The following WDTC1 variants were observed in gnomAD, a reference collection of about 807,000 sequenced individuals.
WDTC1 encodes WD and tetratricopeptide repeats protein 1.
In WDTC1, 12 loss-of-function variants were observed where a neutral mutation model predicts 76.0. That is an observed-to-expected ratio of 0.16 (90% CI 0.10 to 0.26). WDTC1 has a LOEUF of 0.26. Ranked by LOEUF, WDTC1 falls within the 10% of genes least tolerant of loss-of-function variation. The pLI is 1.00. For missense variants in WDTC1, 511 were observed against 908.8 expected, an observed-to-expected ratio of 0.56 and a Z score of 5.63; for synonymous variants, 326 against 350.8, an observed-to-expected ratio of 0.93 and a Z score of 0.79.
chr1:27,258,079 C>G (rs956092179), intron 1 of WDTC1, among the ~76,000 whole-genome samples: 4 of 151,488 alleles, frequency 2.6e-5, no homozygotes, highest in Admixed American at 2.6e-4. Flanking sequence ...TGAGCCACTG[C>G]GCCTGGCGGT....
intron 2 of WDTC1, among the ~76,000 whole-genome samples, chr1:27,262,140 A>G (rs2012497016): frequency 6.6e-6 from 1 of 151,994 alleles, no homozygotes; most frequent in African/African-American, 2.4e-5. Flanking sequence ...CGTGTTACTC[A>G]GGAGATCTTG....
Position 27,273,788 on chromosome 1 carries a change from TG to T in WDTC1, c.133-8449del, listed in dbSNP as rs890935061. Among the ~76,000 whole-genome samples, 36 of 151,962 alleles carry T rather than the reference TG, an allele frequency of 2.4e-4. No individual in the cohort carries two copies. In the East Asian group the frequency reaches 4.3e-3, roughly 18 times the overall value. ...TGAAGTCTACAACTGATTTCTCAAA[TG>T]GTTCAGAAAAAAAGTACTAAGTACT... On this transcript the variant is annotated intron_variant, in intron 3 of 15. Transcript: ENST00000319394.
At chr1:27,286,564 G>A (rs892847867) in intron 5 of WDTC1, among the ~76,000 whole-genome samples, 1 of 149,724 alleles carries the variant, frequency 6.7e-6, no homozygotes, top group South Asian at 2.1e-4. Context: ...CTGCCTCCTG[G>A]GTTCACACCA....
At chr1:27,241,732 T>C (rs1407648491) in intron 1 of WDTC1, among the ~76,000 whole-genome samples, 1 of 152,122 alleles carries the variant, frequency 6.6e-6, no homozygotes, top group African/African-American at 2.4e-5. Flanking sequence ...CAAAATATGC[T>C]CCCTTTTCTC....
intron 5 of WDTC1, among the ~76,000 whole-genome samples, chr1:27,284,605 G>C (rs1336674757): frequency 6.6e-6 from 1 of 152,128 alleles, no homozygotes; most frequent in African/African-American, 2.4e-5. Flanking sequence ...ATTTTAGTCT[G>C]CACAGTCAGG....
intron 1 of WDTC1, among the ~76,000 whole-genome samples, chr1:27,258,703 A>G (rs1465199271): frequency 6.6e-6 from 1 of 152,204 alleles, no homozygotes; most frequent in African/African-American, 2.4e-5. Flanking sequence ...GCCTAGCACT[A>G]AAGGAAAACA....
intron 5 of WDTC1, among the ~76,000 whole-genome samples, chr1:27,286,006 T>G (rs1009301899): frequency 2.1e-5 from 3 of 141,818 alleles, no homozygotes; most frequent in African/African-American, 5.2e-5. Flanking sequence ...GTTTTTTTTT[T>G]TTTTTTTTTT....
chr1:27,253,735 C>A (rs937096964), intron 1 of WDTC1, among the ~76,000 whole-genome samples: 24 of 152,188 alleles, frequency 1.6e-4, no homozygotes, highest in African/African-American at 5.8e-4. Flanking sequence ...CTAATTTCAG[C>A]CTTTTTGCCT....
intron 1 of WDTC1, among the ~76,000 whole-genome samples, chr1:27,245,625 A>G (rs2011802955): frequency 6.6e-6 from 1 of 150,400 alleles, no homozygotes; most frequent in Non-Finnish European, 1.5e-5. Context: ...GGTGGAGTGC[A>G]ATGGCGCAAT....
At chr1:27,284,362 G>A (rs1420446315) in intron 5 of WDTC1, among the ~76,000 whole-genome samples, 5 of 152,264 alleles carry the variant, frequency 3.3e-5, no homozygotes, top group African/African-American at 1.2e-4. Flanking sequence ...ATAGATGTGA[G>A]AATGAAGTTG....
At chr1:27,304,175 A>AT (rs1252035230) in intron 14 of WDTC1, 5 of 233,714 alleles carry the variant, frequency 2.1e-5, no homozygotes, top group South Asian at 4.9e-5. Flanking sequence ...AAGGCTGGGA[A>AT]TCTTGGCACA....
intron 3 of WDTC1, among the ~76,000 whole-genome samples, chr1:27,264,892 T>A (rs2012611469): frequency 1.3e-5 from 2 of 152,090 alleles, no homozygotes. Context: ...AGCCTCAACT[T>A]CCTGGACTCA....
chr1:27,291,225 G>A (rs1456342916), intron 6 of WDTC1, among the ~76,000 whole-genome samples: 1 of 152,206 alleles, frequency 6.6e-6, no homozygotes, highest in East Asian at 1.9e-4. Flanking sequence ...GCATGTGCAG[G>A]ATAAAGAATT....
intron 5 of WDTC1, among the ~76,000 whole-genome samples, chr1:27,286,691 T>C (rs1317621514): frequency 6.6e-6 from 1 of 151,540 alleles, no homozygotes; most frequent in African/African-American, 2.4e-5. Flanking sequence ...CTGGATCTCC[T>C]GACCTTGTGA....
chr1:27,270,547 G>T (rs905792147), intron 3 of WDTC1, among the ~76,000 whole-genome samples: 1 of 152,058 alleles, frequency 6.6e-6, no homozygotes, highest in Non-Finnish European at 1.5e-5. Flanking sequence ...ACAAAAATTA[G>T]CCAGGGGTGG....
intron 1 of WDTC1, among the ~76,000 whole-genome samples, chr1:27,240,608 A>G (rs1286268816): frequency 1.3e-5 from 2 of 152,162 alleles, no homozygotes; most frequent in Non-Finnish European, 2.9e-5. Context: ...TCTAGGGCCC[A>G]TTCTTTGAGC....
chr1:27,254,122 GAAAAA>G (rs967262474), intron 1 of WDTC1, among the ~76,000 whole-genome samples: 2 of 151,658 alleles, frequency 1.3e-5, no homozygotes, highest in East Asian at 3.9e-4. Context: ...ACAAAAAAAA[GAAAAA>G]AACAAAATGA....
chr1:27,303,491 C>T lies in WDTC1; in HGVS notation c.1469-130C>T, dbSNP rs2013879772. The T allele has an allele frequency of 2.6e-6, 3 of 1,175,772 alleles. No homozygotes were observed. Among genetic ancestry groups the T allele is most frequent in the Non-Finnish European group, 3.4e-6 (3 of 873,566 alleles). The allele number at this position is 1,175,772 out of a possible 1,614,324, so 72.8% of individuals were successfully genotyped here. The stretch of plus-strand genomic sequence containing the variant: ...TCCTCACAACCTTTCCCCAGTTTTC[C>T]AGGATAAGGGTGGAGGCAGGTAGCT... On this transcript the variant is annotated intron_variant, in intron 13 of 15. Coordinates refer to ENST00000319394, the MANE Select transcript of WDTC1 (RefSeq NM_001276252.2). The surrounding 1 kb of genome is among the most constrained non-coding windows in gnomAD (Gnocchi z 4.8).
intron 1 of WDTC1, among the ~76,000 whole-genome samples, chr1:27,259,093 A>G (rs1242950534): frequency 6.6e-6 from 1 of 152,354 alleles, no homozygotes; most frequent in Admixed American, 6.5e-5. Context: ...TGAAAATATT[A>G]AAAAGTAGAA....
Sources: allele counts gnomAD v4.1 joint callset (sites outside exome capture counted in the v4.1 genomes callset), GRCh38; gene constraint gnomAD v4.1.1; non-coding constraint Gnocchi (gnomAD v3.1); transcripts MANE v1.5; gene names NCBI Gene and HGNC (gene_info 2026-07-23, HGNC 2026-07-21).